TRAPPC13: variants seen among roughly 807,000 people sequenced by gnomAD.
TRAPPC13 encodes the protein trafficking protein particle complex subunit 13, also known as REV7-interacting novel NHEJ regulator 1.
In TRAPPC13, 39 loss-of-function variants were observed where a neutral mutation model predicts 54.0. The ratio of observed to expected loss-of-function variants is 0.72; its 90% CI spans 0.56 to 0.94. TRAPPC13 has a LOEUF of 0.94. Ranked by LOEUF, TRAPPC13 falls within the 40% of genes least tolerant of loss-of-function variation. The pLI is 0.00. For missense variants in TRAPPC13, 386 were observed against 488.1 expected, an observed-to-expected ratio of 0.79 and a Z score of 1.97; for synonymous variants, 148 against 167.7, an observed-to-expected ratio of 0.88 and a Z score of 0.91.
intron 1 of TRAPPC13, chr5:65,626,238 T>G (rs1253984073): frequency 6.6e-6 from 1 of 152,224 alleles, no homozygotes; most frequent in Non-Finnish European, 1.5e-5. Context: ...TCTCAGAGTT[T>G]AAGTAACTTT....
At chr5:65,645,317 A>T (rs1013800239) in intron 4 of TRAPPC13, among the ~76,000 whole-genome samples, 3 of 151,826 alleles carry the variant, frequency 2.0e-5, no homozygotes, top group Non-Finnish European at 4.4e-5. Flanking sequence ...TGAAATGGGG[A>T]TAATACTAAT....
intron 2 of TRAPPC13, among the ~76,000 whole-genome samples, chr5:65,635,724 C>T (rs1755721763): frequency 6.6e-6 from 1 of 151,872 alleles, no homozygotes; most frequent in East Asian, 1.9e-4. Context: ...TTTTCTATCT[C>T]ATGACGTACA....
chr5:65,636,130 C>T (rs575355483), intron 3 of TRAPPC13, 87 bp downstream of exon 3: 2 of 752,320 alleles, frequency 2.7e-6, no homozygotes, highest in African/African-American at 1.8e-5. Flanking sequence ...GGGAAATGCT[C>T]ATGATACATT....
chr5:65,632,354 T>A (rs905720739), intron 1 of TRAPPC13, among the ~76,000 whole-genome samples: 2 of 152,182 alleles, frequency 1.3e-5, no homozygotes, highest in Admixed American at 6.5e-5. Context: ...CCTTTTTCTC[T>A]GTTTTCGTAG....
intron 4 of TRAPPC13, among the ~76,000 whole-genome samples, chr5:65,644,169 C>T (rs899952959): frequency 1.1e-4 from 17 of 152,000 alleles, no homozygotes; most frequent in African/African-American, 4.1e-4. Context: ...CCTGGAGGTC[C>T]TGGTGATTTT....
intron 2 of TRAPPC13, among the ~76,000 whole-genome samples, 167 bp from the exon 3 acceptor site, chr5:65,635,777 A>AT (rs5868411): frequency 0.26 from 39,973 of 151,804 alleles, 5,849 homozygotes; most frequent in South Asian, 0.34. Context: ...TGAGATCAGA[A>AT]TTTTTTTGAC....
chr5:65,625,190 C>T (rs1176634158), intron 1 of TRAPPC13, 84 bp downstream of exon 1: 4 of 1,153,614 alleles, frequency 3.5e-6, no homozygotes, highest in East Asian at 2.3e-5. Context: ...AGGCCTCATC[C>T]TTCTTAAACA....
rs748030671 is a variant in TRAPPC13, at chr5:65,658,487, C to G, written c.684C>G (p.Ser228Arg). The G allele has an allele frequency of 6.4e-7, 1 of 1,567,792 alleles. No homozygotes were observed. The highest frequency in any genetic ancestry group is 8.7e-7 in the Non-Finnish European group (1 of 1,154,722). Residue 228 changes from serine (S) to arginine (R), a missense_variant, in exon 9 of 13, where the codon AGC becomes AGG. By Grantham distance (110) the Ser-to-Arg change is moderately radical. Coordinates refer to ENST00000399438, the MANE Select transcript of TRAPPC13 (RefSeq NM_024941.4). ...MYNVTELNSV[S>R]QAGECVSTFG... is the part of the protein sequence containing the mutation. ...ATGTAACAGAATTAAATTCAGTCAG[C>G]CAAGCTGGAGAATGGTAAATATTAA...
At chr5:65,662,195 C>A in intron 11 of TRAPPC13, 45 bp downstream of exon 11, 1 of 1,334,334 alleles carries the variant, frequency 7.5e-7, no homozygotes, top group Non-Finnish European at 1.0e-6. Flanking sequence ...ACCTCACCTG[C>A]CTAGAAGATA....
At chr5:65,628,353 C>A (rs1755344197) in intron 1 of TRAPPC13, among the ~76,000 whole-genome samples, 1 of 152,080 alleles carries the variant, frequency 6.6e-6, no homozygotes, top group Non-Finnish European at 1.5e-5. Context: ...CCTGGTTAAA[C>A]CATATTAGCA....
intron 9 of TRAPPC13, among the ~76,000 whole-genome samples, chr5:65,659,220 C>T (rs1290649690): frequency 6.6e-6 from 1 of 152,186 alleles, no homozygotes; most frequent in African/African-American, 2.4e-5. Context: ...TGGACTCAAA[C>T]GATCTCCCAA....
intron 6 of TRAPPC13, among the ~76,000 whole-genome samples, chr5:65,651,112 A>G (rs1206973569): frequency 6.6e-6 from 1 of 152,216 alleles, no homozygotes; most frequent in Non-Finnish European, 1.5e-5. Flanking sequence ...GAAGGTGTTT[A>G]TTCAAAATAA....
intron 8 of TRAPPC13, chr5:65,657,993 T>A (rs933798946): frequency 1.2e-5 from 2 of 164,688 alleles, no homozygotes; most frequent in Admixed American, 1.3e-4. Flanking sequence ...TATCTTAACG[T>A]AATACTGAAA....
Position 65,625,107 on chromosome 5 carries a change from G to A in TRAPPC13, c.46+1G>A, listed in dbSNP as rs867585190. The A allele has an allele frequency of 1.2e-6, 2 of 1,613,252 alleles. No individual in the cohort carries two copies. Among genetic ancestry groups the A allele is most frequent in the Non-Finnish European group, 1.7e-6 (2 of 1,179,226 alleles). On this transcript the variant is annotated splice_donor_variant, in intron 1 of 12. Transcript: ENST00000399438. LOFTEE classifies it high-confidence loss of function. ...CAGGAGCACCTGCTGGCGCTAAAAG[G>A]TAAACTTTTGCGAACCTGATTCCCC...
chr5:65,630,612 T>C (rs766204302), intron 1 of TRAPPC13: 579 of 1,073,344 alleles, frequency 5.4e-4, no homozygotes, highest in Non-Finnish European at 6.1e-4. Flanking sequence ...TTGTATAGTT[T>C]GGATTTTGGT....
chr5:65,647,014 T>A, intron 4 of TRAPPC13, 41 bp from the exon 5 acceptor site: 1 of 1,510,508 alleles, frequency 6.6e-7, no homozygotes. Context: ...AGGTAACCAG[T>A]CTCATTTGGA....
chr5:65,633,977 G>GGTTTTT (rs1755645144), intron 1 of TRAPPC13, among the ~76,000 whole-genome samples: 1 of 60,450 alleles, frequency 1.7e-5, no homozygotes, highest in Non-Finnish European at 2.8e-5. Flanking sequence ...CTCTCCCAGC[G>GGTTTTT]TTTTTTTTTT....
chr5:65,643,950 G>T (rs1581219276), intron 4 of TRAPPC13, among the ~76,000 whole-genome samples: 1 of 151,810 alleles, frequency 6.6e-6, no homozygotes, highest in Non-Finnish European at 1.5e-5. Flanking sequence ...GGAAGTTCTT[G>T]TGGGTACAAT....
intron 9 of TRAPPC13, 124 bp from the exon 10 acceptor site, chr5:65,660,575 G>A (rs1756813381): frequency 5.2e-6 from 3 of 578,872 alleles, no homozygotes; most frequent in African/African-American, 3.9e-5. Context: ...TCGTTAACAT[G>A]TTCTGTTGTT....
Sources: gnomAD v4.1 joint callset for allele counts (sites outside exome capture counted in the v4.1 genomes callset) on GRCh38, gnomAD v4.1.1 for gene constraint, MANE v1.5 for transcripts, NCBI Gene and HGNC (gene_info 2026-07-23, HGNC 2026-07-21) for gene names.